The following LMBRD1 variants were observed in gnomAD, a reference collection of about 807,000 sequenced individuals.
LMBRD1 encodes lysosomal cobalamin transport escort protein LMBD1.
LMBRD1 carries 64 observed loss-of-function variants against 74.8 expected under a neutral mutation model. The observed-to-expected ratio is 0.86, with a 90% confidence interval of 0.70 to 1.05. The LOEUF is 1.05. Among genes scored for constraint, LMBRD1 ranks in the 50% least tolerant of loss-of-function variants. LMBRD1 has a pLI of 0.00. For synonymous variants in LMBRD1, 204 were observed against 216.3 expected (o/e 0.94, Z 0.50); for missense variants, 652 against 645.9 (o/e 1.01, Z -0.10).
rs111747887 is a variant in LMBRD1, at chr6:69,725,339, T to TCACA, written c.637-6262_637-6259dup. The stretch of plus-strand genomic sequence containing the variant: ...CCTATCGAAATAGCAATGACAATCT[T>TCACA]CACACACACACACACACACACACAC... On this transcript the variant is annotated intron_variant, in intron 7 of 15. Transcript: ENST00000649934. Among the ~76,000 whole-genome samples, 561 of 148,184 alleles carry TCACA rather than the reference T, an allele frequency of 3.8e-3. 4 individuals carry two copies. Among genetic ancestry groups the TCACA allele is most frequent in the Non-Finnish European group, 3.6e-3 (239 of 66,778 alleles).
At chr6:69,725,376 C>T (rs986728482) in intron 7 of LMBRD1, among the ~76,000 whole-genome samples, 2 of 134,528 alleles carry the variant, frequency 1.5e-5, no homozygotes, top group South Asian at 2.4e-4. Context: ...CACACACACA[C>T]AAAACACACA....
intron 2 of LMBRD1, among the ~76,000 whole-genome samples, chr6:69,789,699 G>C (rs776374214): frequency 6.6e-6 from 1 of 152,102 alleles, no homozygotes; most frequent in Non-Finnish European, 1.5e-5. Flanking sequence ...TACAACAACA[G>C]AGACAGTTCC....
At chr6:69,713,877 C>CA in intron 8 of LMBRD1, 80 bp from the exon 9 acceptor site, 1 of 1,519,736 alleles carries the variant, frequency 6.6e-7, no homozygotes. Flanking sequence ...GATCAGGCAA[C>CA]AAAACCTTTT....
intron 4 of LMBRD1, among the ~76,000 whole-genome samples, chr6:69,750,520 C>T (rs946677390): frequency 6.6e-6 from 1 of 152,038 alleles, no homozygotes. Flanking sequence ...CATTTGTCCT[C>T]TCAGACTAAC....
At chr6:69,704,904 T>TTTG (rs1554232074) in intron 9 of LMBRD1, among the ~76,000 whole-genome samples, 2 of 104,858 alleles carry the variant, frequency 1.9e-5, no homozygotes, top group East Asian at 3.7e-4. Context: ...GGATTGGACA[T>TTTG]TTGTTTTTTT....
At chr6:69,706,436 G>A (rs538076074) in intron 9 of LMBRD1, among the ~76,000 whole-genome samples, 3 of 152,228 alleles carry the variant, frequency 2.0e-5, no homozygotes, top group Non-Finnish European at 2.9e-5. Flanking sequence ...TAGTTTTAAC[G>A]CACTGCAATC....
Position 69,749,366 on chromosome 6 carries a change from T to C in LMBRD1, c.448A>G (p.Ile150Val). ...ALKYTLGFVV[I>V]CALLLLVGAF... Reference sequence around the variant, plus strand: ...CCAACTAAAAGAAGCAGTGCACAAATCACAACAAATCCCAAAGTATACTTG... The same window carrying C: ...CCAACTAAAAGAAGCAGTGCACAAACCACAACAAATCCCAAAGTATACTTG... Residue 150 changes from isoleucine (I) to valine (V), a missense_variant, in exon 5 of 16, where the codon ATT (isoleucine) becomes GTT (valine). Transcript: ENST00000649934. The C allele has an allele frequency of 6.2e-7, 1 of 1,610,776 alleles. No individual in the cohort carries two copies. Among genetic ancestry groups the C allele is most frequent in the Non-Finnish European group, 8.5e-7 (1 of 1,178,722 alleles).
At chr6:69,707,185 G>C (rs908104565) in intron 9 of LMBRD1, among the ~76,000 whole-genome samples, 6 of 152,032 alleles carry the variant, frequency 3.9e-5, no homozygotes, top group East Asian at 1.9e-4. Context: ...CTTCAAACCA[G>C]TCATGGCAAG....
intron 9 of LMBRD1, among the ~76,000 whole-genome samples, chr6:69,713,309 T>C (rs928205292): frequency 7.2e-5 from 11 of 152,138 alleles, no homozygotes; most frequent in Non-Finnish European, 1.5e-5. Flanking sequence ...GACCTGAATC[T>C]GTAAATCTAC....
In LMBRD1 at chr6:69,737,836, G is replaced by T. The variant is rs1440893743; in HGVS notation, c.636+106C>A. ...AGAAAACTGAAGAAAAATTGAAAAA[G>T]AATCAAAATATTATAAAGGAAAACA... On this transcript the variant is annotated intron_variant, in intron 7 of 15. Coordinates refer to ENST00000649934, the MANE Select transcript of LMBRD1 (RefSeq NM_018368.4). 6.1e-6 allele frequency: 5 copies of T among 814,914 alleles called. No homozygotes were observed. The East Asian group carries it at 1.4e-4, about 22-fold the overall frequency. The allele number at this position is 814,914 out of a possible 1,614,324, so 50.5% of individuals were successfully genotyped here. A position where few individuals can be genotyped will look rare whatever the true frequency, so the allele number is the denominator to read the frequency against.
At chr6:69,763,512 T>C (rs1241329754) in intron 3 of LMBRD1, among the ~76,000 whole-genome samples, 1 of 152,154 alleles carries the variant, frequency 6.6e-6, no homozygotes, top group Non-Finnish European at 1.5e-5. Flanking sequence ...GATCACAAAC[T>C]TGTTTGGCTA....
intron 14 of LMBRD1, among the ~76,000 whole-genome samples, chr6:69,690,717 A>T (rs1287306001): frequency 6.6e-6 from 1 of 152,192 alleles, no homozygotes; most frequent in Non-Finnish European, 1.5e-5. Flanking sequence ...GCATGCCGTT[A>T]TCAAAATATC....
At chr6:69,774,734 G>A (rs1214512970) in intron 3 of LMBRD1, among the ~76,000 whole-genome samples, 1 of 152,064 alleles carries the variant, frequency 6.6e-6, no homozygotes, top group Non-Finnish European at 1.5e-5. Flanking sequence ...AGCCTGCATA[G>A]CAGGTCTAAA....
At chr6:69,730,559 T>C (rs750411457) in intron 7 of LMBRD1, among the ~76,000 whole-genome samples, 27 of 152,116 alleles carry the variant, frequency 1.8e-4, no homozygotes, top group Non-Finnish European at 3.5e-4. Context: ...CATGACATAG[T>C]TGTCGCTACA....
intron 3 of LMBRD1, among the ~76,000 whole-genome samples, chr6:69,767,884 G>A (rs1163968143): frequency 2.0e-5 from 3 of 151,790 alleles, no homozygotes; most frequent in African/African-American, 7.2e-5. Flanking sequence ...TTAAAGCTCT[G>A]TTAATAGGTG....
intron 1 of LMBRD1, chr6:69,790,712 T>C (rs577561986): frequency 5.4e-5 from 27 of 497,192 alleles, no homozygotes; most frequent in African/African-American, 5.0e-4. Context: ...AGTGCTCAGC[T>C]ACATATTTCC....
chr6:69,736,499 C>T (rs1480344033), intron 7 of LMBRD1, among the ~76,000 whole-genome samples: 1 of 152,182 alleles, frequency 6.6e-6, no homozygotes, highest in Non-Finnish European at 1.5e-5. Flanking sequence ...AGTCTTACAT[C>T]TTCAGTTGTC....
At chr6:69,780,093 A>G (rs1258006377) in intron 3 of LMBRD1, among the ~76,000 whole-genome samples, 2 of 146,480 alleles carry the variant, frequency 1.4e-5, no homozygotes, top group Non-Finnish European at 3.0e-5. Context: ...GTATTGGCAT[A>G]TTAAAAGGCT....
chr6:69,713,699 T>A lies in LMBRD1; in HGVS notation c.861A>T (p.Glu287Asp). The A allele has an allele frequency of 1.2e-6, 2 of 1,613,750 alleles. No individual in the cohort carries two copies. Among genetic ancestry groups the A allele is most frequent in the Non-Finnish European group, 1.7e-6 (2 of 1,179,724 alleles). The change falls in exon 9 of 16, where the codon GAA becomes GAT. Residue 287 changes from glutamate to aspartate, a missense_variant. Physicochemically the swap from Glu to Asp is conservative, Grantham distance 45 (BLOSUM62 2). Transcript: ENST00000649934. ...TTGTCCACCAGCTGTTTTCAATGAATTCTAAATGCCTCTCTCTCTTCTTAA... is the reference window on the plus strand; with the variant it reads ...TTGTCCACCAGCTGTTTTCAATGAAATCTAAATGCCTCTCTCTCTTCTTAA... The part of the protein sequence containing the change: ...RTLKKRERHL[E>D]FIENSWWTKF...
Sources: gnomAD v4.1 joint callset for allele counts (sites outside exome capture counted in the v4.1 genomes callset) on GRCh38, gnomAD v4.1.1 for gene constraint, MANE v1.5 for transcripts, NCBI Gene and HGNC (gene_info 2026-07-23, HGNC 2026-07-21) for gene names.